The following WRN variants were observed in gnomAD, a reference collection of about 807,000 sequenced individuals.
WRN encodes the protein WRN RecQ like helicase.
In WRN, 149 loss-of-function variants were observed where a neutral mutation model predicts 180.7. The ratio of observed to expected loss-of-function variants is 0.82; its 90% CI spans 0.72 to 0.94. The LOEUF (loss-of-function observed/expected upper bound fraction) is 0.94. Ranked by LOEUF, WRN falls within the 40% of genes least tolerant of loss-of-function variation. The pLI, the probability that WRN is intolerant of heterozygous loss-of-function variation, is 0.00. For missense variants in WRN, 1,661 were observed against 1,700.1 expected (o/e 0.98, Z 0.40); for synonymous variants, 548 against 568.9 (o/e 0.96, Z 0.52).
intron 23 of WRN, among the ~76,000 whole-genome samples, chr8:31,125,974 AT>A (rs1801916513): frequency 1.6e-4 from 1 of 6,166 alleles, no homozygotes; most frequent in Non-Finnish European, 3.7e-4. Context: ...CATCCTAAAT[AT>A]ATATATATAT....
chr8:31,142,559 A>G, intron 26 of WRN, 67 bp from the exon 27 acceptor site: 1 of 1,235,116 alleles, frequency 8.1e-7, no homozygotes, highest in Non-Finnish European at 1.2e-6. Context: ...AGAATGGAGT[A>G]TCATGATTCA....
At chr8:31,043,243 C>T (rs1404190246) in intron 1 of WRN, among the ~76,000 whole-genome samples, 1 of 152,188 alleles carries the variant, frequency 6.6e-6, no homozygotes, top group Non-Finnish European at 1.5e-5. Flanking sequence ...AGCATCCTTT[C>T]CCGTACCAGA....
Position 31,141,735 on chromosome 8 carries a change from G to A in WRN, c.3193G>A (p.Ala1065Thr). The change falls in exon 26 of 35, where the codon GCT becomes ACT. Residue 1065 changes from alanine (A) to threonine (T), a missense_variant. This residue lies in a region of WRN where 1,141 missense variants were observed against 1,149.4 expected (regional missense o/e 0.99). Transcript: ENST00000298139. ...NTESQSLILQ[A>T]NEELCPKKLL... ...AGAATCTCAGAGCCTCATCCTTCAA[G>A]CTAATGAAGAATTGTGTCCAAAGAA... 6.2e-7 allele frequency: 1 copy of A among 1,614,124 alleles called. No individual in the cohort carries two copies.
chr8:31,096,715 T>C, intron 16 of WRN, 53 bp from the exon 17 acceptor site: 1 of 1,380,062 alleles, frequency 7.2e-7, no homozygotes, highest in South Asian at 1.2e-5. Context: ...ATTGTTAATA[T>C]GTTTCCCTTC....
chr8:31,047,350 T>C (rs535329839), intron 1 of WRN, among the ~76,000 whole-genome samples: 1 of 152,200 alleles, frequency 6.6e-6, no homozygotes, highest in South Asian at 2.1e-4. Flanking sequence ...CCATGTTGCC[T>C]AGGCTGGACT....
chr8:31,076,515 C>A (rs1399776844), intron 8 of WRN, among the ~76,000 whole-genome samples: 2 of 151,776 alleles, frequency 1.3e-5, no homozygotes, highest in African/African-American at 4.8e-5. Context: ...TTTTATGAAA[C>A]AAAGGAATAG....
chr8:31,141,584 G>C lies in WRN; in HGVS notation c.3122G>C (p.Cys1041Ser). Residue 1041 changes from cysteine (C) to serine (S), a missense_variant, in exon 25 of 35, where the codon TGC becomes TCC. Cys to Ser is a moderately radical substitution (Grantham distance 112). Transcript: ENST00000298139. ...VSRYNKFMKI[C>S]ALTKKGRNWL... ...CGGTATAACAAATTTATGAAGATTT[G>C]CGCCCTTACGAAAAAGGTAAACGGT... The C allele has an allele frequency of 6.2e-7, 1 of 1,614,030 alleles. No homozygotes were observed. The highest frequency in any genetic ancestry group is 2.2e-5 in the East Asian group (1 of 44,866).
intron 33 of WRN, among the ~76,000 whole-genome samples, chr8:31,165,869 A>G (rs1322966486): frequency 6.6e-6 from 1 of 152,168 alleles, no homozygotes; most frequent in Non-Finnish European, 1.5e-5. Context: ...GGATGATATA[A>G]TGACCAAGAG....
At chr8:31,037,448 T>C (rs904638003) in intron 1 of WRN, among the ~76,000 whole-genome samples, 4 of 152,140 alleles carry the variant, frequency 2.6e-5, no homozygotes, top group African/African-American at 9.7e-5. Context: ...GGCCCTGGGG[T>C]TGGGAACCTC....
chr8:31,101,741 T>C (rs552405146), intron 18 of WRN, among the ~76,000 whole-genome samples: 1 of 143,278 alleles, frequency 7.0e-6, no homozygotes, highest in Admixed American at 7.4e-5. Flanking sequence ...GAGCCGAGAT[T>C]GTGCCATTCC....
chr8:31,157,651 T>C, intron 33 of WRN, 121 bp downstream of exon 33: 1 of 1,349,064 alleles, frequency 7.4e-7, no homozygotes, highest in Non-Finnish European at 1.0e-6. Flanking sequence ...CTTACTTTTG[T>C]GATTCTTTTT....
At chr8:31,162,599 A>G (rs1803674566) in intron 33 of WRN, among the ~76,000 whole-genome samples, 1 of 152,254 alleles carries the variant, frequency 6.6e-6, no homozygotes, top group African/African-American at 2.4e-5. Flanking sequence ...TATACTGTAC[A>G]TAATTGTACA....
At position 31,154,627 on chromosome 8, in the gene WRN, G is replaced by C. The variant is rs1166860348; in HGVS notation, c.3691G>C (p.Asp1231His). Residue 1231 changes from aspartate to histidine, a missense_variant, in exon 32 of 35, where the codon GAC becomes CAC. This residue lies in a region of WRN where 1,141 missense variants were observed against 1,149.4 expected (regional missense o/e 0.99). Coordinates refer to ENST00000298139, the MANE Select transcript of WRN (RefSeq NM_000553.6). Reference protein sequence around the residue: ...HFCQTNSVQTDLFSSTKPQEE... With the variant: ...HFCQTNSVQTHLFSSTKPQEE... ...TGCTACATTAAAAATTCTGTAGACA[G>C]ACCTCTTTTCAAGTACAAAACCTCA... is the stretch of plus-strand genomic sequence containing the variant. 2.5e-6 allele frequency: 4 copies of C among 1,611,856 alleles called. No homozygotes were observed. The highest frequency in any genetic ancestry group is 1.3e-5 in the African/African-American group (1 of 74,844).
intron 7 of WRN, among the ~76,000 whole-genome samples, chr8:31,074,536 T>C (rs1177664375): frequency 6.6e-6 from 1 of 152,266 alleles, no homozygotes; most frequent in East Asian, 1.9e-4. Context: ...AATAGTCATT[T>C]TGAGAGTGGG....
rs1249867912 is a variant in WRN at position 31,066,600 on chromosome 8, A to AT, written c.505-420dup. Among the ~76,000 whole-genome samples, 531 of 146,292 alleles carry AT rather than the reference A, an allele frequency of 3.6e-3. 2 individuals are homozygous for AT. Among genetic ancestry groups the AT allele is most frequent in the African/African-American group, 1.0e-2 (400 of 40,082 alleles). Reference sequence around the variant, plus strand: ...ATGTATACCAGTAACTTAAAAAAAAATTTTTTTTTTTTTAAGGGAGAGCAT... The same window carrying AT: ...ATGTATACCAGTAACTTAAAAAAAAATTTTTTTTTTTTTTAAGGGAGAGCAT... On this transcript the variant is annotated intron_variant, in intron 5 of 34. Transcript: ENST00000298139.
intron 18 of WRN, among the ~76,000 whole-genome samples, chr8:31,101,356 C>CTTTT (rs1360746347): frequency 6.6e-6 from 1 of 152,142 alleles, no homozygotes; most frequent in African/African-American, 2.4e-5. Context: ...TCCGTATGTC[C>CTTTT]TTTTACTCTA....
Position 31,053,764 on chromosome 8 carries a change from T to A in WRN, c.-76-4608T>A, listed in dbSNP as rs189996585. Among the ~76,000 whole-genome samples, 797 of 152,344 alleles carry A rather than the reference T, an allele frequency of 5.2e-3. 3 individuals carry two copies. Among genetic ancestry groups the A allele is most frequent in the Non-Finnish European group, 9.1e-3 (617 of 68,018 alleles). ...GAAAAGTGAAGTTAAAATGGTTTTT[T>A]AAGTGATGTTTAATTGGTGTTATTT... is the stretch of plus-strand genomic sequence containing the variant. On this transcript the variant is annotated intron_variant, in intron 1 of 34. Coordinates refer to ENST00000298139, the MANE Select transcript of WRN (RefSeq NM_000553.6).
chr8:31,147,088 C>T lies in WRN; in HGVS notation c.3419C>T (p.Ser1140Phe), dbSNP rs760280044. The change falls in exon 29 of 35, where the codon TCC (serine) becomes TTC (phenylalanine). Residue 1140 changes from serine to phenylalanine, a missense_variant. Physicochemically the swap from Ser to Phe is radical, Grantham distance 155. Around this residue, in one of 3 missense-constraint regions of WRN, gnomAD observed 1,141 missense variants for 1,149.4 expected, o/e 0.99. Transcript: ENST00000298139. ...MVQSPEKAYSSSQPVISAQEQ... is the reference protein window; with the variant it reads ...MVQSPEKAYSFSQPVISAQEQ... ...CAGTCACCAGAAAAAGCTTACAGTTCCTCACAGCCTGTTATTTCGGCACAA... is the reference window on the plus strand; with the variant it reads ...CAGTCACCAGAAAAAGCTTACAGTTTCTCACAGCCTGTTATTTCGGCACAA... 2.5e-6 allele frequency: 4 copies of T among 1,613,764 alleles called. No individual in the cohort carries two copies. Among genetic ancestry groups the T allele is most frequent in the South Asian group, 1.1e-5 (1 of 91,036 alleles).
At chr8:31,102,772 A>G (rs1800932765) in intron 18 of WRN, among the ~76,000 whole-genome samples, 2 of 152,200 alleles carry the variant, frequency 1.3e-5, no homozygotes, top group African/African-American at 4.8e-5. Context: ...TAGACTTTAT[A>G]CATATTGTAC....
Sources: allele counts gnomAD v4.1 joint callset (sites outside exome capture counted in the v4.1 genomes callset), GRCh38; gene constraint gnomAD v4.1.1; regional missense constraint gnomAD v4.1.1; transcripts MANE v1.5; gene names NCBI Gene and HGNC (gene_info 2026-07-23, HGNC 2026-07-21).